The following ASTN2 variants were observed in gnomAD, a reference collection of about 807,000 sequenced individuals.
The protein encoded by ASTN2 is astrotactin-2.
Under a neutral mutation model 139.8 loss-of-function variants are expected in ASTN2, and 54 were observed. The observed-to-expected ratio is 0.39, with a 90% CI of 0.31 to 0.48. The LOEUF is 0.48. ASTN2 is among the 20% of genes least tolerant of loss of function. The pLI is 0.95. For missense variants in ASTN2, 1,565 were observed against 1,725.1 expected, an observed-to-expected ratio of 0.91 and a Z score of 1.64; for synonymous variants, 756 against 719.5, an observed-to-expected ratio of 1.05 and a Z score of -0.81.
intron 13 of ASTN2, among the ~76,000 whole-genome samples, chr9:116,787,837 G>T (rs867044322): frequency 2.3e-4 from 35 of 152,096 alleles, no homozygotes; most frequent in African/African-American, 7.0e-4. Context: ...AATAAAGTAT[G>T]AACTTTAGGT....
At chr9:117,009,284 T>C (rs1837445385) in intron 6 of ASTN2, among the ~76,000 whole-genome samples, 1 of 152,148 alleles carries the variant, frequency 6.6e-6, no homozygotes, top group Non-Finnish European at 1.5e-5. Flanking sequence ...ATGTTCCTTA[T>C]CCCACATATA....
intron 6 of ASTN2, among the ~76,000 whole-genome samples, chr9:117,016,728 ATATATATAGGTTATATATAGGTTT>A (rs1564386210): frequency 1.7e-4 from 5 of 29,950 alleles, no homozygotes; most frequent in Admixed American, 4.7e-4. Flanking sequence ...TATATATGTT[ATATATATAGGTTATATATAGGTTT>A]TATATATAGG....
chr9:117,092,694 T>C (rs985094868), intron 5 of ASTN2, among the ~76,000 whole-genome samples: 3 of 152,210 alleles, frequency 2.0e-5, no homozygotes, highest in Non-Finnish European at 4.4e-5. Context: ...CTGGTACTTT[T>C]ATCTCTTTCT....
intron 1 of ASTN2, among the ~76,000 whole-genome samples, chr9:117,409,637 G>A (rs900862766): frequency 1.3e-5 from 2 of 152,150 alleles, no homozygotes; most frequent in South Asian, 4.1e-4. Context: ...CTCTTAATTT[G>A]TGTAGACTTT....
intron 12 of ASTN2, among the ~76,000 whole-genome samples, chr9:116,811,246 A>G (rs528983398): frequency 9.9e-5 from 15 of 151,176 alleles, no homozygotes; most frequent in Non-Finnish European, 1.6e-4. Context: ...TCATTTGTTT[A>G]TTTTCAATCT....
At chr9:116,593,112 G>A (rs1279140084) in intron 19 of ASTN2, among the ~76,000 whole-genome samples, 3 of 152,210 alleles carry the variant, frequency 2.0e-5, no homozygotes, top group Non-Finnish European at 4.4e-5. Flanking sequence ...AGGAACAAAA[G>A]AAAAGCCTGT....
At position 117,217,172 on chromosome 9, in the gene ASTN2, T is replaced by C. The variant is rs368765447; in HGVS notation, c.631-2430A>G. On this transcript the variant is annotated intron_variant, in intron 2 of 22. Coordinates refer to ENST00000313400, the MANE Select transcript of ASTN2 (RefSeq NM_001365068.1). ...GGTGCATGAAAAGGGAAAAGGAAAG[T>C]ATTATTTTCAAATTCAGCCTCCAGA... 2.6e-5 allele frequency among the ~76,000 whole-genome samples: 4 copies of C among 152,226 alleles called. No homozygotes were observed. In the South Asian group the frequency reaches 6.3e-4, roughly 24 times the overall value.
chr9:116,951,337 CAA>C (rs386416039), intron 10 of ASTN2, among the ~76,000 whole-genome samples: 75 of 34,028 alleles, frequency 2.2e-3, no homozygotes, highest in Admixed American at 3.1e-3. Flanking sequence ...AACTCTGTCT[CAA>C]AAAAAAAAAA....
intron 13 of ASTN2, among the ~76,000 whole-genome samples, chr9:116,797,166 T>C (rs1314553805): frequency 6.6e-6 from 1 of 152,178 alleles, no homozygotes; most frequent in Non-Finnish European, 1.5e-5. Context: ...AATGGATCTA[T>C]CTATGGCCTT....
At chr9:116,735,662 G>A (rs185297896) in intron 13 of ASTN2, among the ~76,000 whole-genome samples, 2 of 152,206 alleles carry the variant, frequency 1.3e-5, no homozygotes, top group African/African-American at 4.8e-5. Flanking sequence ...CTGCTATCAG[G>A]AATTCTGCAT....
At chr9:117,407,147 G>A (rs1391134014) in intron 1 of ASTN2, among the ~76,000 whole-genome samples, 1 of 152,138 alleles carries the variant, frequency 6.6e-6, no homozygotes, top group Non-Finnish European at 1.5e-5. Context: ...AAAGCAAGAA[G>A]GAATTTCCCC....
intron 16 of ASTN2, among the ~76,000 whole-genome samples, chr9:116,719,827 C>T (rs906599955): frequency 1.3e-5 from 2 of 151,868 alleles, no homozygotes; most frequent in Non-Finnish European, 2.9e-5. Context: ...CTAGTATCAC[C>T]GAAACAAACA....
chr9:117,317,414 C>A (rs2130825530), intron 1 of ASTN2, among the ~76,000 whole-genome samples: 1 of 152,244 alleles, frequency 6.6e-6, no homozygotes, highest in African/African-American at 2.4e-5. Context: ...GTCAGCAGAG[C>A]CCGACAATGC....
At chr9:116,661,505 A>G (rs1156741157) in intron 16 of ASTN2, among the ~76,000 whole-genome samples, 6 of 152,164 alleles carry the variant, frequency 3.9e-5, no homozygotes, top group Non-Finnish European at 7.3e-5. Flanking sequence ...ATTTGTTTCA[A>G]TCCTTGTGGT....
chr9:117,092,194 A>G (rs1257762742), intron 5 of ASTN2, among the ~76,000 whole-genome samples: 4 of 152,178 alleles, frequency 2.6e-5, no homozygotes, highest in African/African-American at 9.7e-5. Flanking sequence ...GCCCTCCCAC[A>G]TTTAGCTGCT....
chr9:116,846,450 C>T (rs1465026862), intron 11 of ASTN2, among the ~76,000 whole-genome samples: 1 of 152,090 alleles, frequency 6.6e-6, no homozygotes, highest in Non-Finnish European at 1.5e-5. Flanking sequence ...AAAATCTAGA[C>T]CAACTGGAGG....
At chr9:116,969,899 T>C (rs1408894310) in intron 10 of ASTN2, among the ~76,000 whole-genome samples, 1 of 152,152 alleles carries the variant, frequency 6.6e-6, no homozygotes, top group Non-Finnish European at 1.5e-5. Context: ...CTGGGGCAGC[T>C]TCAAACAACC....
intron 2 of ASTN2, among the ~76,000 whole-genome samples, chr9:117,257,303 G>A (rs1833713300): frequency 6.6e-6 from 1 of 152,206 alleles, no homozygotes; most frequent in South Asian, 2.1e-4. Flanking sequence ...TAGCTTAAAG[G>A]ATCCAAAGAA....
intron 11 of ASTN2, among the ~76,000 whole-genome samples, chr9:116,846,690 C>T (rs1037631524): frequency 6.6e-6 from 1 of 152,160 alleles, no homozygotes; most frequent in Non-Finnish European, 1.5e-5. Context: ...CTTCTCTGGC[C>T]GTCAATCTTC....
Sources: gnomAD v4.1 joint callset for allele counts (sites outside exome capture counted in the v4.1 genomes callset) on GRCh38, gnomAD v4.1.1 for gene constraint, MANE v1.5 for transcripts, NCBI Gene and HGNC (gene_info 2026-07-23, HGNC 2026-07-21) for gene names.